Variants in STARD10 observed in about 807,000 individuals in gnomAD.
STARD10 encodes the protein START domain-containing protein 10.
Under a neutral mutation model 36.0 loss-of-function variants are expected in STARD10, and 24 were observed. That is an observed-to-expected ratio of 0.67 (90% CI 0.48 to 0.94). The LOEUF is 0.94. Among genes scored for constraint, STARD10 ranks in the 40% least tolerant of loss-of-function variants. STARD10 has a pLI of 0.00. For missense variants in STARD10, 335 were observed against 396.6 expected (o/e 0.84, Z 1.32); for synonymous variants, 156 against 161.9 (o/e 0.96, Z 0.28).
At chr11:72,786,388 C>G (rs1859071437) in intron 1 of STARD10, among the ~76,000 whole-genome samples, 1 of 152,046 alleles carries the variant, frequency 6.6e-6, no homozygotes, top group South Asian at 2.1e-4. Flanking sequence ...GGTTCAGCAC[C>G]AAGAACTCTG....
intron 2 of STARD10, among the ~76,000 whole-genome samples, chr11:72,774,004 T>G (rs369482390): frequency 1.3e-5 from 2 of 152,190 alleles, no homozygotes; most frequent in East Asian, 1.9e-4. Flanking sequence ...ACTCCATCCT[T>G]CTGGCTATCA....
intron 2 of STARD10, among the ~76,000 whole-genome samples, chr11:72,769,545 T>A (rs182866143): frequency 6.6e-6 from 1 of 152,126 alleles, no homozygotes; most frequent in Admixed American, 6.5e-5. Context: ...GGTTTTGTCA[T>A]GTTGCCCAGG....
chr11:72,790,495 G>C (rs1329556424), intron 1 of STARD10: 1 of 152,280 alleles, frequency 6.6e-6, no homozygotes, highest in African/African-American at 2.4e-5. Flanking sequence ...GGGCCGGGGG[G>C]GTATCTGATG....
At chr11:72,759,019 C>T (rs76499519) in intron 3 of STARD10, among the ~76,000 whole-genome samples, 3,593 of 152,246 alleles carry the variant, frequency 0.024, 156 homozygotes, top group African/African-American at 0.082. Context: ...TATGTATATA[C>T]GTGAACATGT....
chr11:72,759,940 C>T (rs544765149), intron 2 of STARD10, among the ~76,000 whole-genome samples: 2 of 151,762 alleles, frequency 1.3e-5, no homozygotes, highest in East Asian at 3.9e-4. Flanking sequence ...GATGGAGTTT[C>T]GCTCTTGTCA....
At chr11:72,763,339 C>T (rs1016973914) in intron 2 of STARD10, among the ~76,000 whole-genome samples, 2 of 152,066 alleles carry the variant, frequency 1.3e-5, no homozygotes, top group African/African-American at 2.4e-5. Flanking sequence ...AGTAACTTCC[C>T]ATCAAAATAC....
At chr11:72,766,221 T>A (rs1406440743) in intron 2 of STARD10, 1 of 152,330 alleles carries the variant, frequency 6.6e-6, no homozygotes, top group East Asian at 1.9e-4. Flanking sequence ...CTATGTACCC[T>A]GGGTGCCTCC....
intron 1 of STARD10, among the ~76,000 whole-genome samples, chr11:72,784,368 C>T (rs1859045591): frequency 6.6e-6 from 1 of 152,174 alleles, no homozygotes; most frequent in Admixed American, 6.5e-5. Flanking sequence ...AAGCCGGTGA[C>T]AGGCCTTCTC....
Position 72,793,056 on chromosome 11 carries a change from G to A in STARD10, c.-295C>T, listed in dbSNP as rs1859168575. 1 of 152,422 alleles carries A rather than the reference G, an allele frequency of 6.6e-6. No homozygotes were observed. The highest frequency in any genetic ancestry group is 1.5e-5 in the Non-Finnish European group (1 of 68,188). 9.4% of individuals were successfully genotyped at this position (152,422 alleles called of 1,614,324 possible). A position where few individuals can be genotyped will look rare whatever the true frequency, so the allele number is the denominator to read the frequency against. On this transcript the variant is annotated 5_prime_UTR_variant, in exon 1 of 7. Transcript: ENST00000334805. ...GACTCCCCTAGGTTCTCAGGGTACA[G>A]TCAGTCAATCTAAGCCTGTATCCAA... is the stretch of plus-strand genomic sequence containing the variant.
chr11:72,756,337 A>T (rs1047449431), intron 5 of STARD10, among the ~76,000 whole-genome samples: 2 of 152,062 alleles, frequency 1.3e-5, no homozygotes, highest in African/African-American at 4.8e-5. Flanking sequence ...GGCTTGAAGC[A>T]TTTCCAGGCA....
At chr11:72,768,064 C>G (rs1162687698) in intron 2 of STARD10, among the ~76,000 whole-genome samples, 1 of 152,192 alleles carries the variant, frequency 6.6e-6, no homozygotes, top group African/African-American at 2.4e-5. Context: ...TGCCAAGATC[C>G]CTCCACAGCG....
Position 72,794,041 on chromosome 11 carries a change from G to T in STARD10, c.-1280C>A, listed in dbSNP as rs937753283. 5.9e-5 allele frequency: 9 copies of T among 152,348 alleles called. No homozygotes were observed. Among genetic ancestry groups the T allele is most frequent in the Admixed American group, 1.3e-4 (2 of 15,304 alleles). The allele number at this position is 152,348 out of a possible 1,614,324, so 9.4% of individuals were successfully genotyped here. A position where few individuals can be genotyped will look rare whatever the true frequency, so the allele number is the denominator to read the frequency against. ...CGTGCAGGTTCTGGCATCCATCATGGCAAACTGGAGACCGCGGTGAATTCC... is the reference window on the plus strand; with the variant it reads ...CGTGCAGGTTCTGGCATCCATCATGTCAAACTGGAGACCGCGGTGAATTCC... On this transcript the variant is annotated 5_prime_UTR_variant, in exon 1 of 7. Transcript: ENST00000334805.
chr11:72,758,345 C>T (rs1858673181), intron 4 of STARD10, among the ~76,000 whole-genome samples, 185 bp downstream of exon 4: 1 of 152,246 alleles, frequency 6.6e-6, no homozygotes, highest in Admixed American at 6.5e-5. Context: ...ACACTGCCCT[C>T]TCCTGATCTG....
chr11:72,757,659 T>C, intron 5 of STARD10, 108 bp downstream of exon 5: 1 of 1,002,038 alleles, frequency 1.0e-6, no homozygotes, highest in Non-Finnish European at 1.5e-6. Flanking sequence ...TGCCCCAAAA[T>C]GCAAAACAGC....
chr11:72,758,040 AG>A lies in STARD10; in HGVS notation c.460-157del, dbSNP rs1053459147. 2.6e-5 allele frequency: 19 copies of A among 728,848 alleles called. No individual in the cohort carries two copies. In the African/African-American group the frequency reaches 3.3e-4, roughly 13 times the overall value. The allele number at this position is 728,848 out of a possible 1,614,324, so 45.1% of individuals were successfully genotyped here. A position where few individuals can be genotyped will look rare whatever the true frequency, so the allele number is the denominator to read the frequency against. On this transcript the variant is annotated intron_variant, in intron 4 of 6. Coordinates refer to ENST00000334805, the MANE Select transcript of STARD10 (RefSeq NM_006645.3). Reference sequence around the variant, plus strand: ...CAGTCCTGATTCTGGGTGCAGAGAAAGGGAAGAACCAGAGTAGGTCATCCTA... The same window carrying A: ...CAGTCCTGATTCTGGGTGCAGAGAAAGGAAGAACCAGAGTAGGTCATCCTA...
At chr11:72,761,754 CA>C (rs796841931) in intron 2 of STARD10, among the ~76,000 whole-genome samples, 22 of 147,708 alleles carry the variant, frequency 1.5e-4, no homozygotes, top group Non-Finnish European at 1.2e-4. Flanking sequence ...AAAAAACAAA[CA>C]AAAAAAAAGC....
chr11:72,757,145 C>CAA (rs34839119), intron 5 of STARD10, among the ~76,000 whole-genome samples: 16 of 102,134 alleles, frequency 1.6e-4, no homozygotes, highest in African/African-American at 1.8e-4. Context: ...AACTCTGTCT[C>CAA]AAAAAAAAAA....
intron 1 of STARD10, among the ~76,000 whole-genome samples, chr11:72,784,137 T>C (rs1448933660): frequency 2.0e-5 from 3 of 152,166 alleles, no homozygotes; most frequent in Non-Finnish European, 4.4e-5. Flanking sequence ...CTGGGTCTCA[T>C]GAAAACCTCT....
In STARD10 at chr11:72,757,831, G is replaced by A. The variant is rs753339001; in HGVS notation, c.513C>T (p.Tyr171=). ...TCTTGGGCCCTGTGCTCTGGATGAGGTAGCCCGTCTGGATGGACACAGCTC... is the reference window on the plus strand; with the variant it reads ...TCTTGGGCCCTGTGCTCTGGATGAGATAGCCCGTCTGGATGGACACAGCTC... The part of the protein sequence containing the change: ...LVRAVSIQTG[Y]LIQSTGPKSC... Residue 171 remains tyrosine (Y), a synonymous_variant, in exon 5 of 7, where the codon TAC becomes TAT. Transcript: ENST00000334805. 7 of 1,614,218 alleles carry A rather than the reference G, an allele frequency of 4.3e-6. No homozygotes were observed. The highest frequency in any genetic ancestry group is 1.7e-5 in the Admixed American group (1 of 60,034).
Sources: allele counts gnomAD v4.1 joint callset (sites outside exome capture counted in the v4.1 genomes callset), GRCh38; gene constraint gnomAD v4.1.1; transcripts MANE v1.5; gene names NCBI Gene and HGNC (gene_info 2026-07-23, HGNC 2026-07-21).